Variants in RASGEF1B observed in about 807,000 individuals in gnomAD.
RASGEF1B encodes ras-GEF domain-containing family member 1B.
Under a neutral mutation model 65.7 loss-of-function variants are expected in RASGEF1B, and 30 were observed. That is an observed-to-expected ratio of 0.46 (90% CI 0.34 to 0.62). The LOEUF (loss-of-function observed/expected upper bound fraction) is 0.62. RASGEF1B is among the 20% of genes least tolerant of loss of function. RASGEF1B has a pLI of 0.01. For missense variants in RASGEF1B, 495 were observed against 580.1 expected (o/e 0.85, Z 1.51); for synonymous variants, 175 against 194.8 (o/e 0.90, Z 0.85).
chr4:81,450,055 C>T (rs1177299051), intron 4 of RASGEF1B, among the ~76,000 whole-genome samples: 1 of 152,178 alleles, frequency 6.6e-6, no homozygotes, highest in Non-Finnish European at 1.5e-5. Flanking sequence ...ACCTTCCATA[C>T]AGCACTAAGG....
intron 4 of RASGEF1B, chr4:81,456,182 T>C: frequency 2.9e-6 from 1 of 348,476 alleles, no homozygotes; most frequent in Non-Finnish European, 5.2e-6. Context: ...CAGGAGCGTA[T>C]TTATTTTCTT....
Position 81,427,699 on chromosome 4 carries a change from A to G in RASGEF1B, c.*69T>C. 6.3e-7 allele frequency: 1 copy of G among 1,596,936 alleles called. No homozygotes were observed. Among genetic ancestry groups the G allele is most frequent in the Non-Finnish European group, 8.6e-7 (1 of 1,168,930 alleles). ...GAGTGTTCGTGGTACGAGATGCCAG[A>G]AAACAAAGGCCAGCCCCTCCATGAT... On this transcript the variant is annotated 3_prime_UTR_variant, in exon 14 of 14. Transcript: ENST00000264400.
At chr4:81,462,190 G>C (rs1309431144) in intron 1 of RASGEF1B, among the ~76,000 whole-genome samples, 1 of 152,138 alleles carries the variant, frequency 6.6e-6, no homozygotes, top group African/African-American at 2.4e-5. Context: ...TTCCAAAATA[G>C]TAACAAAACT....
At chr4:81,428,925 T>G (rs544346617) in intron 13 of RASGEF1B, among the ~76,000 whole-genome samples, 1 of 152,254 alleles carries the variant, frequency 6.6e-6, no homozygotes, top group Non-Finnish European at 1.5e-5. Context: ...TATAATAGCC[T>G]GTTTTATTTT....
At position 81,459,227 on chromosome 4, in the gene RASGEF1B, C is replaced by T. The variant is rs1722555067; in HGVS notation, c.177+105G>A. The T allele has an allele frequency of 8.0e-6, 7 of 875,166 alleles. No homozygotes were observed. In the East Asian group the frequency reaches 1.4e-4, roughly 17 times the overall value. 54.2% of individuals were successfully genotyped at this position (875,166 alleles called of 1,614,324 possible). On this transcript the variant is annotated intron_variant, in intron 2 of 13. Coordinates refer to ENST00000264400, the MANE Select transcript of RASGEF1B (RefSeq NM_152545.3). ...TATGCAATTTCTTGTTAGAAAAATT[C>T]TTAGCAACCTAGATATAATTCTGTA...
chr4:81,464,268 C>A (rs1162549474), intron 1 of RASGEF1B, among the ~76,000 whole-genome samples: 2 of 152,060 alleles, frequency 1.3e-5, no homozygotes, highest in Admixed American at 6.5e-5. Context: ...GACCAGCTAA[C>A]AAAAAATTTT....
At chr4:81,434,309 C>T (rs1721534775) in intron 11 of RASGEF1B, among the ~76,000 whole-genome samples, 1 of 152,154 alleles carries the variant, frequency 6.6e-6, no homozygotes, top group Non-Finnish European at 1.5e-5. Flanking sequence ...TCTTGGCCTC[C>T]TAACGCACTG....
intron 5 of RASGEF1B, 98 bp from the exon 6 acceptor site, chr4:81,447,676 T>A (rs1286566097): frequency 4.6e-6 from 4 of 864,606 alleles, no homozygotes; most frequent in South Asian, 1.5e-5. Context: ...CCCCATTTTT[T>A]AATGAAGATT....
intron 10 of RASGEF1B, among the ~76,000 whole-genome samples, chr4:81,436,719 A>G (rs1721644541): frequency 6.6e-6 from 1 of 152,204 alleles, no homozygotes; most frequent in Non-Finnish European, 1.5e-5. Flanking sequence ...GTACTTCTAT[A>G]TTGAGTGAAC....
intron 1 of RASGEF1B, among the ~76,000 whole-genome samples, chr4:81,466,769 A>G (rs1402430551): frequency 9.8e-5 from 13 of 132,894 alleles, no homozygotes; most frequent in African/African-American, 3.6e-4. Context: ...AAAAAAAAAA[A>G]AAAAGAAAGA....
At chr4:81,461,390 T>C (rs541055902) in intron 1 of RASGEF1B, among the ~76,000 whole-genome samples, 2 of 152,376 alleles carry the variant, frequency 1.3e-5, no homozygotes, top group East Asian at 3.9e-4. Flanking sequence ...CACAGTGTCC[T>C]TCACATGCAG....
intron 1 of RASGEF1B, among the ~76,000 whole-genome samples, chr4:81,467,399 C>T (rs1049827308): frequency 6.6e-6 from 1 of 152,150 alleles, no homozygotes; most frequent in African/African-American, 2.4e-5. Context: ...GTTTATTAAA[C>T]CACAAATGAC....
chr4:81,437,456 G>A (rs560997037), intron 10 of RASGEF1B, among the ~76,000 whole-genome samples: 1 of 152,216 alleles, frequency 6.6e-6, no homozygotes, highest in East Asian at 1.9e-4. Flanking sequence ...TAATCAAGAT[G>A]TAATATTTGT....
chr4:81,429,663 G>T (rs899534271), intron 13 of RASGEF1B, among the ~76,000 whole-genome samples: 2 of 152,256 alleles, frequency 1.3e-5, no homozygotes, highest in African/African-American at 2.4e-5. Context: ...CACATCTGCT[G>T]AAGAAGACGC....
chr4:81,454,412 C>T (rs1033193553), intron 4 of RASGEF1B: 1 of 152,102 alleles, frequency 6.6e-6, no homozygotes, highest in Admixed American at 6.6e-5. Flanking sequence ...TGTTAAGTAG[C>T]TAAAGACAAC....
rs1021512345 is a variant in RASGEF1B, at chr4:81,427,655, A to G, written c.*113T>C. On this transcript the variant is annotated 3_prime_UTR_variant, in exon 14 of 14. Transcript: ENST00000264400. The stretch of plus-strand genomic sequence containing the variant: ...GTGCTTTGCTGACCCGGGTGCTCCA[A>G]TGACTGCAGGGTCTTCATGAGTGTT... The G allele has an allele frequency of 6.5e-6, 8 of 1,232,078 alleles. No individual in the cohort carries two copies. The highest frequency in any genetic ancestry group is 1.4e-5 in the South Asian group (1 of 72,716). 76.3% of individuals were successfully genotyped at this position (1,232,078 alleles called of 1,614,324 possible).
intron 10 of RASGEF1B, among the ~76,000 whole-genome samples, chr4:81,439,697 G>C (rs965407259): frequency 1.3e-5 from 2 of 152,142 alleles, no homozygotes; most frequent in Non-Finnish European, 2.9e-5. Flanking sequence ...ACTGTTTGAA[G>C]CTTAAAAGAC....
In RASGEF1B at chr4:81,440,881, G is replaced by A. The variant is rs760854157; in HGVS notation, c.1057C>T (p.Arg353Cys). 8.7e-6 allele frequency: 14 copies of A among 1,613,074 alleles called. No individual in the cohort carries two copies. The highest frequency in any genetic ancestry group is 5.5e-5 in the South Asian group (5 of 91,032). The change falls in exon 10 of 14, where the codon CGT (arginine) becomes TGT (cysteine). Residue 353 changes from arginine (R) to cysteine (C), a missense_variant. By Grantham distance (180) the Arg-to-Cys change is radical (BLOSUM62 -3). Coordinates refer to ENST00000264400, the MANE Select transcript of RASGEF1B (RefSeq NM_152545.3). Reference protein sequence around the residue: ...SNFYNYRTALRGAAQRSLTAH... With the variant: ...SNFYNYRTALCGAAQRSLTAH... ...GTTAAAGACCTTTGTGCTGCCCCACGAAGAGCTGTTCGATAATTATAGAAA... is the reference window on the plus strand; with the variant it reads ...GTTAAAGACCTTTGTGCTGCCCCACAAAGAGCTGTTCGATAATTATAGAAA...
At chr4:81,431,970 C>T (rs1200557757) in intron 13 of RASGEF1B, among the ~76,000 whole-genome samples, 1 of 152,164 alleles carries the variant, frequency 6.6e-6, no homozygotes, top group Non-Finnish European at 1.5e-5. Context: ...GTCAGAAGAA[C>T]TCTTCAGAAA....
Sources: allele counts gnomAD v4.1 joint callset (sites outside exome capture counted in the v4.1 genomes callset), GRCh38; gene constraint gnomAD v4.1.1; transcripts MANE v1.5; gene names NCBI Gene and HGNC (gene_info 2026-07-23, HGNC 2026-07-21).